CFAP161: variants seen among roughly 807,000 people sequenced by gnomAD.
CFAP161 encodes cilia- and flagella-associated protein 161.
CFAP161 carries 25 observed loss-of-function variants against 29.0 expected under a neutral mutation model. The ratio of observed to expected loss-of-function variants is 0.86; its 90% CI spans 0.63 to 1.20. The LOEUF (loss-of-function observed/expected upper bound fraction) is 1.20, where lower values mean the gene tolerates loss of function less well. Ranked by LOEUF, CFAP161 falls within the 50% of genes most tolerant of loss-of-function variation. CFAP161 has a pLI of 0.00. For missense variants in CFAP161, 367 were observed against 371.9 expected, an observed-to-expected ratio of 0.99 and a Z score of 0.11; for synonymous variants, 116 against 137.4, an observed-to-expected ratio of 0.84 and a Z score of 1.09.
chr15:81,114,884 C>G (rs972818333), intron 1 of CFAP161, among the ~76,000 whole-genome samples: 1 of 152,164 alleles, frequency 6.6e-6, no homozygotes, highest in Non-Finnish European at 1.5e-5. Flanking sequence ...AGGATGGTCT[C>G]TATCTCCTGA....
At chr15:81,117,931 G>A (rs1894520392) in intron 1 of CFAP161, 3 of 438,268 alleles carry the variant, frequency 6.8e-6, no homozygotes, top group Admixed American at 3.1e-5. Flanking sequence ...TGAGTCAGGG[G>A]CTTCCTGGTC....
upstream of CFAP161, among the ~76,000 whole-genome samples, chr15:81,132,520 C>G (rs1030819299): frequency 6.6e-6 from 1 of 152,054 alleles, no homozygotes; most frequent in Non-Finnish European, 1.5e-5. Context: ...CCATAGAGCA[C>G]CAATAAAGAT....
At chr15:81,136,322 G>C (rs953045152) in intron 2 of CFAP161, among the ~76,000 whole-genome samples, 194 bp from the exon 3 acceptor site, 1 of 151,704 alleles carries the variant, frequency 6.6e-6, no homozygotes. Flanking sequence ...AGCTTTATTC[G>C]ACTTCATTTG....
At chr15:81,126,991 T>C (rs1043936239) in intron 1 of CFAP161, among the ~76,000 whole-genome samples, 15 of 152,196 alleles carry the variant, frequency 9.9e-5, no homozygotes, top group Non-Finnish European at 1.6e-4. Context: ...GTTTTTTGAA[T>C]AAAGACCGTT....
intron 1 of CFAP161, among the ~76,000 whole-genome samples, chr15:81,115,433 C>A (rs558394186): frequency 1.9e-4 from 29 of 152,158 alleles, no homozygotes; most frequent in African/African-American, 6.7e-4. Flanking sequence ...GTGTCAAAAC[C>A]CTTTTAGCTA....
In CFAP161 at chr15:81,136,589, C is replaced by G; in HGVS notation, c.233C>G (p.Pro78Arg). The G allele has an allele frequency of 6.2e-7, 1 of 1,614,148 alleles. No individual in the cohort carries two copies. Among genetic ancestry groups the G allele is most frequent in the Non-Finnish European group, 8.5e-7 (1 of 1,180,032 alleles). The stretch of plus-strand genomic sequence containing the variant: ...GTGATGCTTGTGAATCCTGATGATC[C>G]TGACACAGAAGCTGATGTGTTTCTG... ...DKVMLVNPDD[P>R]DTEADVFLRG... Residue 78 changes from proline to arginine, a missense_variant, in exon 3 of 7, where the codon CCT becomes CGT. Transcript: ENST00000286732.
chr15:81,126,998 C>T (rs1054538849), intron 1 of CFAP161, among the ~76,000 whole-genome samples: 28 of 152,048 alleles, frequency 1.8e-4, no homozygotes, highest in African/African-American at 6.8e-4. Flanking sequence ...GAATAAAGAC[C>T]GTTCGAACTC....
chr15:81,102,523 A>T (rs1188246591), intron 1 of CFAP161, among the ~76,000 whole-genome samples: 1 of 152,138 alleles, frequency 6.6e-6, no homozygotes, highest in African/African-American at 2.4e-5. Flanking sequence ...AAAATAAAAA[A>T]TTAGTTGACG....
rs549724014 is a variant in CFAP161 at position 81,114,756 on chromosome 15, C to T, written c.-141-12834C>T. On this transcript the variant is annotated intron_variant, in intron 1 of 4. Coordinates refer to the CFAP161 transcript ENST00000560091. ...TCGGCTCACTGCAAGCTCCGCCTCC[C>T]GGGTTCACGTCATTCTCCTGCCTCA... 2.2e-3 allele frequency among the ~76,000 whole-genome samples: 330 copies of T among 152,198 alleles called. 1 individual carries two copies. Among genetic ancestry groups the T allele is most frequent in the South Asian group, 5.0e-3 (24 of 4,814 alleles).
At chr15:81,117,011 C>G (rs1001199958) in intron 1 of CFAP161, among the ~76,000 whole-genome samples, 10 of 152,018 alleles carry the variant, frequency 6.6e-5, no homozygotes. Flanking sequence ...CCTTTTGGGG[C>G]TAGGAATCCA....
intron 1 of CFAP161, among the ~76,000 whole-genome samples, chr15:81,118,897 T>C (rs965486624): frequency 6.6e-6 from 1 of 152,208 alleles, no homozygotes; most frequent in African/African-American, 2.4e-5. Context: ...AAACTATAGA[T>C]AGCTTGTGAG....
In CFAP161 at chr15:81,134,369, A is replaced by C; in HGVS notation, c.40A>C (p.Asn14His). 6.3e-7 allele frequency: 1 copy of C among 1,590,950 alleles called. No homozygotes were observed. The highest frequency in any genetic ancestry group is 1.2e-5 in the South Asian group (1 of 86,668). Residue 14 changes from asparagine (N) to histidine (H), a missense_variant, in exon 1 of 7, where the codon AAC becomes CAC. Transcript: ENST00000286732. ...NVYGPGVRIG[N>H]WNEDVYLEEE... ...GTATGGTCCGGGAGTCCGGATAGGC[A>C]ACTGGAATGAGGATGTCTACCTGGA...
At chr15:81,147,952 A>G (rs373085106) in intron 6 of CFAP161, 21 bp downstream of exon 6, 1 of 1,582,434 alleles carries the variant, frequency 6.3e-7, no homozygotes, top group South Asian at 1.1e-5. Flanking sequence ...TCAGGGTACA[A>G]CAAAATGCTG....
chr15:81,102,512 A>T lies in CFAP161; in HGVS notation c.-141-25078A>T, dbSNP rs188887909. On this transcript the variant is annotated intron_variant, in intron 1 of 4. Coordinates refer to the CFAP161 transcript ENST00000560091. The stretch of plus-strand genomic sequence containing the variant: ...GCAAGACTTCTGTCTCTACAAAAAA[A>T]AAAATAAAAAATTAGTTGACGTGGT... 5.1e-3 allele frequency among the ~76,000 whole-genome samples: 780 copies of T among 152,300 alleles called. 6 individuals carry two copies. Among genetic ancestry groups the T allele is most frequent in the African/African-American group, 0.017 (707 of 41,558 alleles).
Position 81,111,446 on chromosome 15 carries a change from TC to T in CFAP161, c.-141-16142del, listed in dbSNP as rs202040954. 4.1e-4 allele frequency among the ~76,000 whole-genome samples: 63 copies of T among 152,348 alleles called. No homozygotes were observed. In the East Asian group the frequency reaches 0.011, roughly 28 times the overall value. ...TTAAGTCAGCACACGGCATCACCTCTCCTGGGGCTATCTTTAACTAGGCTTC... is the reference window on the plus strand; with the variant it reads ...TTAAGTCAGCACACGGCATCACCTCTCTGGGGCTATCTTTAACTAGGCTTC... On this transcript the variant is annotated intron_variant, in intron 1 of 4. Coordinates refer to the CFAP161 transcript ENST00000560091.
intron 1 of CFAP161, among the ~76,000 whole-genome samples, chr15:81,116,416 C>T (rs971275519): frequency 6.6e-6 from 1 of 152,234 alleles, no homozygotes; most frequent in African/African-American, 2.4e-5. Context: ...GCCTCAGTCT[C>T]CCAAGTAACT....
At position 81,126,813 on chromosome 15, in the gene CFAP161, C is replaced by A. The variant is rs548445769; in HGVS notation, c.-141-777C>A. ...CACGGAACTATTGGAATTTGCAAAA[C>A]CATTGATTTGAAAGTTCTTAAAGAC... On this transcript the variant is annotated intron_variant, in intron 1 of 4. Transcript: ENST00000560091. 5.6e-4 allele frequency among the ~76,000 whole-genome samples: 85 copies of A among 152,196 alleles called. No homozygotes were observed. In the Middle Eastern group the frequency reaches 0.017, roughly 30 times the overall value.
At chr15:81,111,970 C>A (rs181502542) in intron 1 of CFAP161, among the ~76,000 whole-genome samples, 2 of 152,308 alleles carry the variant, frequency 1.3e-5, no homozygotes, top group East Asian at 3.9e-4. Context: ...ATTCAAGGAT[C>A]TGAGAAGATC....
At chr15:81,133,215 ATATATATATGTAT>A (rs1442455949), upstream of CFAP161, among the ~76,000 whole-genome samples, 5 of 33,380 alleles carry the variant, frequency 1.5e-4, no homozygotes, top group South Asian at 1.2e-3. Context: ...ATATATATAT[ATATATATATGTAT>A]TTTTTTTTAA....
Sources: gnomAD v4.1 joint callset for allele counts (sites outside exome capture counted in the v4.1 genomes callset) on GRCh38, gnomAD v4.1.1 for gene constraint, MANE v1.5 for transcripts, NCBI Gene and HGNC (gene_info 2026-07-23, HGNC 2026-07-21) for gene names.